NRXN1: variants seen among roughly 807,000 people sequenced by gnomAD.
The protein encoded by NRXN1 is neurexin 1.
A neutral mutation model predicts 150.9 loss-of-function variants in NRXN1; 39 were observed. The ratio of observed to expected loss-of-function variants is 0.26; its 90% CI spans 0.20 to 0.34. The LOEUF (loss-of-function observed/expected upper bound fraction) is 0.34. Among genes scored for constraint, NRXN1 ranks in the 10% least tolerant of loss-of-function variants. The pLI is 1.00. For missense variants in NRXN1, 1,815 were observed against 1,949.9 expected (o/e 0.93, Z 1.30); for synonymous variants, 924 against 757.0 (o/e 1.22, Z -3.62).
chr2:50,476,410 G>T (rs965676627), intron 15 of NRXN1, among the ~76,000 whole-genome samples: 17 of 152,056 alleles, frequency 1.1e-4, no homozygotes, highest in African/African-American at 3.9e-4. Flanking sequence ...AGGCAAGTTA[G>T]GTTACATAAC....
intron 21 of NRXN1, among the ~76,000 whole-genome samples, chr2:50,018,730 C>T (rs576083213): frequency 6.6e-6 from 1 of 152,278 alleles, no homozygotes; most frequent in East Asian, 1.9e-4. Flanking sequence ...AAAAATCTTT[C>T]CTGAGCAATC....
intron 21 of NRXN1, among the ~76,000 whole-genome samples, chr2:50,018,331 T>C (rs1161562771): frequency 6.6e-6 from 1 of 152,204 alleles, no homozygotes; most frequent in Non-Finnish European, 1.5e-5. Flanking sequence ...TCAATGCCTG[T>C]CAAATTACCT....
At chr2:50,306,692 G>GC (rs927302998) in intron 17 of NRXN1, among the ~76,000 whole-genome samples, 19 of 152,060 alleles carry the variant, frequency 1.2e-4, no homozygotes, top group African/African-American at 4.6e-4. Flanking sequence ...GCACCCTTGT[G>GC]CCCCTCCTCC....
intron 5 of NRXN1, among the ~76,000 whole-genome samples, chr2:50,842,972 G>A (rs947219434): frequency 1.3e-5 from 2 of 152,030 alleles, no homozygotes; most frequent in African/African-American, 4.8e-5. Flanking sequence ...CTATCCCCTC[G>A]GTATTTAATA....
chr2:50,805,017 T>A (rs970125572), intron 5 of NRXN1, among the ~76,000 whole-genome samples: 1 of 152,182 alleles, frequency 6.6e-6, no homozygotes, highest in African/African-American at 2.4e-5. Context: ...TTTTGTAGCC[T>A]CTTTGTGCCT....
In NRXN1 at chr2:50,163,145, A is replaced by G. The variant is rs527599806; in HGVS notation, c.3547-71651T>C. Among the ~76,000 whole-genome samples the G allele has an allele frequency of 8.4e-5, 9 of 107,400 alleles. No homozygotes were observed. The South Asian group carries it at 2.0e-3, about 24-fold the overall frequency. The allele number at this position is 107,400 out of a possible 152,430, so 70.5% of individuals were successfully genotyped here. A position where few individuals can be genotyped will look rare whatever the true frequency, so the allele number is the denominator to read the frequency against. Reference sequence around the variant, plus strand: ...AATTTCAACTATATATAACAGTTATAGATCTATCAATCCAAAATGTATATA... The same window carrying G: ...AATTTCAACTATATATAACAGTTATGGATCTATCAATCCAAAATGTATATA... On this transcript the variant is annotated intron_variant, in intron 18 of 22. Coordinates refer to ENST00000401669, the MANE Select transcript of NRXN1 (RefSeq NM_001330078.2).
chr2:50,579,338 C>T (rs1671904548), intron 8 of NRXN1, among the ~76,000 whole-genome samples: 1 of 152,136 alleles, frequency 6.6e-6, no homozygotes, highest in Non-Finnish European at 1.5e-5. Flanking sequence ...CCTAAGGAGA[C>T]AAAAAAGCCA....
At chr2:50,972,389 G>T (rs1434048123) in intron 2 of NRXN1, among the ~76,000 whole-genome samples, 4 of 152,040 alleles carry the variant, frequency 2.6e-5, no homozygotes. Flanking sequence ...GTGGGAAGTG[G>T]AATATGAGTC....
intron 17 of NRXN1, among the ~76,000 whole-genome samples, chr2:50,462,031 C>T (rs1032149606): frequency 6.6e-6 from 1 of 151,878 alleles, no homozygotes; most frequent in East Asian, 1.9e-4. Flanking sequence ...TGGGGTCAGA[C>T]CATTGAGGTC....
At chr2:50,405,002 C>G (rs1413010350) in intron 17 of NRXN1, among the ~76,000 whole-genome samples, 2 of 152,082 alleles carry the variant, frequency 1.3e-5, no homozygotes, top group African/African-American at 4.8e-5. Flanking sequence ...CAAAAACACA[C>G]CCTTGACAAA....
intron 5 of NRXN1, among the ~76,000 whole-genome samples, chr2:50,693,416 G>A (rs1692347948): frequency 6.6e-6 from 1 of 152,124 alleles, no homozygotes; most frequent in African/African-American, 2.4e-5. Flanking sequence ...CTGACTTCTT[G>A]GAGGTGTTTT....
At chr2:50,082,487 A>G (rs368623415) in intron 19 of NRXN1, among the ~76,000 whole-genome samples, 3 of 152,244 alleles carry the variant, frequency 2.0e-5, no homozygotes, top group East Asian at 3.8e-4. Context: ...TATACTTGGC[A>G]AAAGTTCTTA....
intron 5 of NRXN1, among the ~76,000 whole-genome samples, chr2:50,762,881 T>C (rs955467954): frequency 1.3e-5 from 2 of 151,938 alleles, no homozygotes; most frequent in African/African-American, 2.4e-5. Flanking sequence ...TTTCTAAGTG[T>C]CAGCCAGCCC....
chr2:50,610,053 G>A (rs57185802), intron 8 of NRXN1, among the ~76,000 whole-genome samples: 10,704 of 151,826 alleles, frequency 0.071, 1,038 homozygotes, highest in African/African-American at 0.21. Context: ...TTTTCCTGGG[G>A]AAAAAAAGAC....
At chr2:50,526,516 A>G (rs186808926) in intron 12 of NRXN1, among the ~76,000 whole-genome samples, 3 of 152,298 alleles carry the variant, frequency 2.0e-5, no homozygotes, top group East Asian at 3.9e-4. Context: ...TTTAGTTTTT[A>G]TTGAGTACAA....
At chr2:50,524,017 A>G (rs34842944) in intron 12 of NRXN1, among the ~76,000 whole-genome samples, 28,407 of 152,202 alleles carry the variant, frequency 0.19, 3,606 homozygotes, top group East Asian at 0.39. Flanking sequence ...GGAAGAAACA[A>G]TACTGGAAAT....
chr2:50,182,552 T>C (rs976235107), intron 18 of NRXN1, among the ~76,000 whole-genome samples: 1 of 152,102 alleles, frequency 6.6e-6, no homozygotes, highest in African/African-American at 2.4e-5. Context: ...GAATTCAAAT[T>C]TGTCCACATA....
chr2:50,409,360 A>C (rs533898957), intron 17 of NRXN1, among the ~76,000 whole-genome samples: 1 of 152,308 alleles, frequency 6.6e-6, no homozygotes, highest in Admixed American at 6.5e-5. Flanking sequence ...AAACAAAACA[A>C]AACAAAAATC....
intron 2 of NRXN1, chr2:50,979,159 A>T (rs766403517): frequency 3.5e-5 from 16 of 462,630 alleles, no homozygotes; most frequent in Non-Finnish European, 6.0e-5. Flanking sequence ...GCTAAAACAC[A>T]TAACTTACAT....
Sources: allele counts gnomAD v4.1 joint callset (sites outside exome capture counted in the v4.1 genomes callset), GRCh38; gene constraint gnomAD v4.1.1; transcripts MANE v1.5; gene names NCBI Gene and HGNC (gene_info 2026-07-23, HGNC 2026-07-21).